INO80: variants seen among roughly 807,000 people sequenced by gnomAD.
INO80 encodes INO80 complex ATPase subunit.
A neutral mutation model predicts 203.4 loss-of-function variants in INO80; 20 were observed. The observed-to-expected ratio is 0.10, with a 90% CI of 0.07 to 0.14. The LOEUF (loss-of-function observed/expected upper bound fraction) is 0.14, where lower values mean the gene tolerates loss of function less well. Ranked by LOEUF, INO80 falls within the 10% of genes least tolerant of loss-of-function variation. The pLI is 1.00. For synonymous variants in INO80, 726 were observed against 685.2 expected (o/e 1.06, Z -0.93); for missense variants, 1,419 against 1,914.4 (o/e 0.74, Z 4.83).
intron 27 of INO80, among the ~76,000 whole-genome samples, chr15:41,013,662 T>C (rs566955488): frequency 6.6e-6 from 1 of 152,256 alleles, no homozygotes; most frequent in Non-Finnish European, 1.5e-5. Context: ...GTGGGTAATA[T>C]TAAAACAAAT....
intron 24 of INO80, 168 bp from the exon 25 acceptor site, chr15:41,027,904 G>A: frequency 2.3e-6 from 1 of 439,472 alleles, no homozygotes; most frequent in Non-Finnish European, 4.0e-6. Context: ...TAATACAGTT[G>A]AAGCCCATGT....
rs1389321500 is a variant in INO80 at position 41,116,111 on chromosome 15, G to A, written c.-182C>T. ...GGCCGTGGGACGGTGACTGCGTTGG[G>A]CGTGGACGCTCCTAGCTCGCTCCCT... On this transcript the variant is annotated 5_prime_UTR_variant, in exon 1 of 36. Coordinates refer to ENST00000648947, the MANE Select transcript of INO80 (RefSeq NM_017553.3). 1 of 397,436 alleles carries A rather than the reference G, an allele frequency of 2.5e-6. No individual in the cohort carries two copies. The highest frequency in any genetic ancestry group is 4.4e-6 in the Non-Finnish European group (1 of 225,344). The allele number at this position is 397,436 out of a possible 1,614,324, so 24.6% of individuals were successfully genotyped here.
intron 26 of INO80, among the ~76,000 whole-genome samples, chr15:41,020,405 T>G (rs1294021795): frequency 2.6e-5 from 4 of 152,190 alleles, no homozygotes; most frequent in African/African-American, 9.6e-5. Context: ...TAGTTTCCTT[T>G]CAACCCCCGA....
intron 9 of INO80, among the ~76,000 whole-genome samples, chr15:41,078,063 C>A (rs1360708179): frequency 1.3e-5 from 2 of 151,974 alleles, no homozygotes; most frequent in Admixed American, 6.6e-5. Context: ...CCATGCCCGG[C>A]TAATTTTTGT....
chr15:41,007,250 G>A (rs552931725), intron 27 of INO80, among the ~76,000 whole-genome samples: 2 of 141,212 alleles, frequency 1.4e-5, no homozygotes, highest in Admixed American at 7.7e-5. Context: ...TGGCACAATC[G>A]TGGTTCACTG....
chr15:41,003,340 T>C (rs1289580591), intron 28 of INO80, among the ~76,000 whole-genome samples: 1 of 132,178 alleles, frequency 7.6e-6, no homozygotes, highest in African/African-American at 2.6e-5. Flanking sequence ...TTTTCTTTTT[T>C]TTTTTTTTGA....
intron 26 of INO80, chr15:41,018,783 C>G (rs1343890943): frequency 6.6e-6 from 1 of 152,184 alleles, no homozygotes; most frequent in Non-Finnish European, 1.5e-5. Flanking sequence ...GACAAGAGCT[C>G]CACCTGTCGC....
chr15:41,044,535 T>G (rs570008316), intron 24 of INO80, among the ~76,000 whole-genome samples: 1 of 152,176 alleles, frequency 6.6e-6, no homozygotes, highest in South Asian at 2.1e-4. Flanking sequence ...TACCTTTAAT[T>G]GTTGGTTTGT....
In INO80 at chr15:41,045,001, C is replaced by A. The variant is rs751490061; in HGVS notation, c.2810G>T (p.Gly937Val). The change falls in exon 24 of 36, where the codon GGG becomes GTG. Residue 937 changes from glycine (G) to valine (V), a missense_variant. Physicochemically the swap from Gly to Val is moderately radical, Grantham distance 109. Transcript: ENST00000648947. The part of the protein sequence containing the change: ...HQLRSWGAPE[G>V]ESHQRYLRNK... ...CCTCAGGTATCTCTGGTGGCTCTCCCCTTCTGGCGCTCCCCAGGAGCGTAG... is the reference window on the plus strand; with the variant it reads ...CCTCAGGTATCTCTGGTGGCTCTCCACTTCTGGCGCTCCCCAGGAGCGTAG... 4 of 1,613,868 alleles carry A rather than the reference C, an allele frequency of 2.5e-6. No homozygotes were observed. The African/African-American group carries it at 5.3e-5, about 22-fold the overall frequency.
chr15:41,033,219 T>C (rs1320587573), intron 24 of INO80, among the ~76,000 whole-genome samples: 4 of 152,188 alleles, frequency 2.6e-5, no homozygotes, highest in Non-Finnish European at 5.9e-5. Context: ...TAGACTCAAA[T>C]CTGTTCTGCC....
intron 24 of INO80, among the ~76,000 whole-genome samples, chr15:41,044,447 A>G (rs1331172288): frequency 1.3e-5 from 2 of 152,258 alleles, no homozygotes; most frequent in Non-Finnish European, 2.9e-5. Context: ...AAAAGAGTAC[A>G]TACAAGATAA....
chr15:41,095,956 T>A (rs748886739), intron 2 of INO80, 28 bp from the exon 3 acceptor site: 3 of 1,594,042 alleles, frequency 1.9e-6, no homozygotes, highest in South Asian at 1.1e-5. Flanking sequence ...AGTCCACAAT[T>A]ACAGCTGACC....
At chr15:40,993,974 G>A (rs2043848534) in intron 29 of INO80, among the ~76,000 whole-genome samples, 2 of 151,976 alleles carry the variant, frequency 1.3e-5, no homozygotes, top group Admixed American at 6.6e-5. Flanking sequence ...ACCAGATCAT[G>A]TTACTCCTCT....
Position 41,021,137 on chromosome 15 carries a change from G to C in INO80, c.3049-12C>G. 1 of 1,585,676 alleles carries C rather than the reference G, an allele frequency of 6.3e-7. No homozygotes were observed. Among genetic ancestry groups the C allele is most frequent in the Non-Finnish European group, 8.7e-7 (1 of 1,154,208 alleles). The stretch of plus-strand genomic sequence containing the variant: ...GGCACTGCGGTAACCTGCAGTTAAA[G>C]ATTCACATGAGATGGCTCTTTCACG... On this transcript the variant is annotated splice_polypyrimidine_tract_variant and intron_variant, in intron 25 of 35. Coordinates refer to ENST00000648947, the MANE Select transcript of INO80 (RefSeq NM_017553.3).
At position 41,074,651 on chromosome 15, in the gene INO80, C is replaced by T. The variant is rs188972827; in HGVS notation, c.1132-86G>A. The T allele has an allele frequency of 1.9e-4, 169 of 870,038 alleles. 1 individual carries two copies. In the African/African-American group the frequency reaches 2.6e-3, roughly 13 times the overall value. The allele number at this position is 870,038 out of a possible 1,614,324, so 53.9% of individuals were successfully genotyped here. A position where few individuals can be genotyped will look rare whatever the true frequency, so the allele number is the denominator to read the frequency against. On this transcript the variant is annotated intron_variant, in intron 9 of 35. Transcript: ENST00000648947. ...AGAATTCACCACTTATATTTGCATACAATTCCTTTACCAACTGTTTACTTT... is the reference window on the plus strand; with the variant it reads ...AGAATTCACCACTTATATTTGCATATAATTCCTTTACCAACTGTTTACTTT...
chr15:41,013,234 C>A (rs2044157898), intron 27 of INO80: 1 of 152,192 alleles, frequency 6.6e-6, no homozygotes. Flanking sequence ...TTCTTTCTCT[C>A]TTTGAAGAGG....
At chr15:41,020,690 G>A (rs555132523) in intron 26 of INO80, among the ~76,000 whole-genome samples, 6 of 151,346 alleles carry the variant, frequency 4.0e-5, no homozygotes, top group South Asian at 2.1e-4. Context: ...GCATGTCAAA[G>A]GAGTGTATTT....
At chr15:41,065,367 G>A (rs1416987076) in intron 14 of INO80, among the ~76,000 whole-genome samples, 5 of 149,532 alleles carry the variant, frequency 3.3e-5, no homozygotes, top group East Asian at 2.0e-4. Context: ...CCTGGGAGGC[G>A]GAGGTTGCAG....
chr15:41,103,163 C>T (rs758066878), intron 1 of INO80, among the ~76,000 whole-genome samples: 5 of 152,160 alleles, frequency 3.3e-5, no homozygotes, highest in Non-Finnish European at 7.3e-5. Context: ...TTTTACACCC[C>T]CTTCTACTTC....
Sources: gnomAD v4.1 joint callset for allele counts (sites outside exome capture counted in the v4.1 genomes callset) on GRCh38, gnomAD v4.1.1 for gene constraint, MANE v1.5 for transcripts, NCBI Gene and HGNC (gene_info 2026-07-23, HGNC 2026-07-21) for gene names.